The following RYR2 variants were observed in gnomAD, a reference collection of about 807,000 sequenced individuals.
RYR2 encodes cardiac muscle ryanodine receptor-calcium release channel.
Under a neutral mutation model 601.1 loss-of-function variants are expected in RYR2, and 227 were observed. That is an observed-to-expected ratio of 0.38 (90% CI 0.34 to 0.42). RYR2 has a LOEUF of 0.42. RYR2 is among the 10% of genes least tolerant of loss of function. The pLI, the probability that RYR2 is intolerant of heterozygous loss-of-function variation, is 1.00. For missense variants in RYR2, 4,646 were observed against 6,156.5 expected, an observed-to-expected ratio of 0.75 and a Z score of 8.21; for synonymous variants, 2,223 against 2,175.1, an observed-to-expected ratio of 1.02 and a Z score of -0.61.
chr1:237,567,603 A>T (rs1672224698), intron 28 of RYR2, among the ~76,000 whole-genome samples: 1 of 152,008 alleles, frequency 6.6e-6, no homozygotes, highest in African/African-American at 2.4e-5. Flanking sequence ...ACAAACAAAA[A>T]AATAATAATA....
intron 1 of RYR2, among the ~76,000 whole-genome samples, chr1:237,056,285 T>C (rs1662033683): frequency 7.4e-6 from 1 of 135,790 alleles, no homozygotes; most frequent in East Asian, 2.4e-4. Flanking sequence ...AGACTATACC[T>C]GTGAGGACTG....
chr1:237,586,728 T>A (rs1000330285), intron 29 of RYR2, among the ~76,000 whole-genome samples: 1 of 152,116 alleles, frequency 6.6e-6, no homozygotes, highest in Non-Finnish European at 1.5e-5. Context: ...CTTTTTTTTT[T>A]CTTTTTTTTG....
intron 1 of RYR2, among the ~76,000 whole-genome samples, chr1:237,142,322 G>A (rs974255683): frequency 6.6e-6 from 1 of 152,226 alleles, no homozygotes; most frequent in East Asian, 1.9e-4. Context: ...TGGACAAAAA[G>A]GGGAATGCTG....
chr1:237,759,232 A>G (rs1421300685), intron 82 of RYR2, among the ~76,000 whole-genome samples: 2 of 152,052 alleles, frequency 1.3e-5, no homozygotes, highest in Admixed American at 6.6e-5. Flanking sequence ...GACTACAGGC[A>G]CATGCTACCA....
Position 237,595,667 on chromosome 1 carries a change from C to G in RYR2, c.4596+10C>G. On this transcript the variant is annotated intron_variant, in intron 34 of 104. Coordinates refer to ENST00000366574, the MANE Select transcript of RYR2 (RefSeq NM_001035.3). ...GAGCACATACTATCAGGTACGCGGT[C>G]AGTGATGATATCAGTCTTCTAGGGA... is the stretch of plus-strand genomic sequence containing the variant. 5 of 1,603,308 alleles carry G rather than the reference C, an allele frequency of 3.1e-6. No individual in the cohort carries two copies. Among genetic ancestry groups the G allele is most frequent in the Non-Finnish European group, 4.3e-6 (5 of 1,176,310 alleles).
rs186305394 is a variant in RYR2, at chr1:237,612,223, C to T, written c.4910+1235C>T. 3.9e-5 allele frequency among the ~76,000 whole-genome samples: 6 copies of T among 152,098 alleles called. No homozygotes were observed. The East Asian group carries it at 9.7e-4, about 24-fold the overall frequency. On this transcript the variant is annotated intron_variant, in intron 36 of 104. Transcript: ENST00000366574. ...GTGGGATTTTATTTAATTGAAAAGT[C>T]CATAATAGACAAATCTTTAGAAACG...
At chr1:237,539,102 T>C (rs1668981393) in intron 25 of RYR2, among the ~76,000 whole-genome samples, 1 of 152,174 alleles carries the variant, frequency 6.6e-6, no homozygotes, top group African/African-American at 2.4e-5. Flanking sequence ...AGATTAGAAA[T>C]TGTCTTAGCT....
In RYR2 at chr1:237,731,530, TG is replaced by T. The variant is rs557134225; in HGVS notation, c.10936-512del. On this transcript the variant is annotated intron_variant, in intron 77 of 104. Coordinates refer to ENST00000366574, the MANE Select transcript of RYR2 (RefSeq NM_001035.3). ...GCTATGGGAACTAAATTTTCACACT[TG>T]GGGTGACTCAGGATTTTATTGCAAA... 9.1e-4 allele frequency among the ~76,000 whole-genome samples: 139 copies of T among 152,250 alleles called. 1 individual carries two copies. The highest frequency in any genetic ancestry group is 3.2e-3 in the African/African-American group (135 of 41,566).
chr1:237,550,438 G>A, intron 26 of RYR2, 106 bp from the exon 27 acceptor site: 3 of 1,283,796 alleles, frequency 2.3e-6, no homozygotes, highest in Non-Finnish European at 2.2e-6. Context: ...ATTGTGGAAG[G>A]GTCACGTTTT....
chr1:237,464,624 T>A (rs187213800), intron 16 of RYR2, among the ~76,000 whole-genome samples: 7 of 152,292 alleles, frequency 4.6e-5, no homozygotes, highest in African/African-American at 1.7e-4. Flanking sequence ...ATCAAGATAT[T>A]TCCCCCCCAA....
At chr1:237,661,385 T>C (rs1438100958) in intron 56 of RYR2, among the ~76,000 whole-genome samples, 1 of 151,974 alleles carries the variant, frequency 6.6e-6, no homozygotes, top group Non-Finnish European at 1.5e-5. Flanking sequence ...TTAAGAGAAA[T>C]ACCTAATGTA....
intron 1 of RYR2, among the ~76,000 whole-genome samples, chr1:237,211,404 C>T (rs891925524): frequency 2.6e-5 from 4 of 152,176 alleles, no homozygotes; most frequent in Admixed American, 2.6e-4. Context: ...GATAATTTTG[C>T]ATTTGTACTC....
At chr1:237,352,922 C>A (rs752766404) in intron 3 of RYR2, 2 of 494,396 alleles carry the variant, frequency 4.0e-6, no homozygotes, top group African/African-American at 1.9e-5. Context: ...CATAAAAAAT[C>A]AATACCAGGT....
At chr1:237,068,507 A>G (rs1663926227) in intron 1 of RYR2, among the ~76,000 whole-genome samples, 1 of 152,042 alleles carries the variant, frequency 6.6e-6, no homozygotes, top group Admixed American at 6.5e-5. Flanking sequence ...TACATTCTTT[A>G]CTTCAGTCTG....
intron 2 of RYR2, among the ~76,000 whole-genome samples, chr1:237,319,293 G>T (rs536770940): frequency 6.6e-6 from 1 of 151,964 alleles, no homozygotes; most frequent in Non-Finnish European, 1.5e-5. Flanking sequence ...AAATGCCTTT[G>T]TCAAGGCACT....
intron 3 of RYR2, chr1:237,333,543 G>A: frequency 2.2e-6 from 1 of 453,966 alleles, no homozygotes; most frequent in African/African-American, 2.0e-5. Context: ...GTGGGGACTT[G>A]CGGCAGCAAC....
chr1:237,646,149 T>A (rs1020505793), intron 48 of RYR2, among the ~76,000 whole-genome samples: 1 of 152,072 alleles, frequency 6.6e-6, no homozygotes, highest in Non-Finnish European at 1.5e-5. Flanking sequence ...AGTGCTGGGA[T>A]TACAGGTGTG....
chr1:237,198,119 G>A (rs550718462), intron 1 of RYR2, among the ~76,000 whole-genome samples: 5 of 152,314 alleles, frequency 3.3e-5, no homozygotes, highest in South Asian at 2.1e-4. Flanking sequence ...GGCCCAGTCC[G>A]GGTTATGGCC....
At chr1:237,586,538 C>A (rs543764643) in intron 29 of RYR2, among the ~76,000 whole-genome samples, 8 of 152,222 alleles carry the variant, frequency 5.3e-5, no homozygotes, top group African/African-American at 1.7e-4. Flanking sequence ...AGACATGAAT[C>A]CTGGTTTACT....
Sources: gnomAD v4.1 joint callset for allele counts (sites outside exome capture counted in the v4.1 genomes callset) on GRCh38, gnomAD v4.1.1 for gene constraint, MANE v1.5 for transcripts, NCBI Gene and HGNC (gene_info 2026-07-23, HGNC 2026-07-21) for gene names.